CELF2: variants seen among roughly 807,000 people sequenced by gnomAD.
CELF2 encodes CUGBP Elav-like family member 2.
Under a neutral mutation model 62.6 loss-of-function variants are expected in CELF2, and 8 were observed. The observed-to-expected ratio is 0.13, with a 90% CI of 0.07 to 0.23. CELF2 has a LOEUF of 0.23. CELF2 is among the 10% of genes least tolerant of loss of function. CELF2 has a pLI of 1.00. For missense variants in CELF2, 333 were observed against 671.0 expected, an observed-to-expected ratio of 0.50 and a Z score of 5.56; for synonymous variants, 258 against 250.0, an observed-to-expected ratio of 1.03 and a Z score of -0.30.
At chr10:11,286,883 G>C (rs2139574557) in intron 8 of CELF2, among the ~76,000 whole-genome samples, 1 of 152,304 alleles carries the variant, frequency 6.6e-6, no homozygotes, top group South Asian at 2.1e-4. Context: ...AAAAGGTCTG[G>C]ATGTCTCCTG....
intron 1 of CELF2, among the ~76,000 whole-genome samples, chr10:10,897,028 G>A (rs1193777188): frequency 6.6e-6 from 1 of 152,108 alleles, no homozygotes; most frequent in Non-Finnish European, 1.5e-5. Flanking sequence ...TTGGGTAATG[G>A]GTAAAGGCTG....
At chr10:10,977,626 TCCC>T (rs2051503530) in intron 2 of CELF2, among the ~76,000 whole-genome samples, 1 of 152,168 alleles carries the variant, frequency 6.6e-6, no homozygotes, top group East Asian at 1.9e-4. Flanking sequence ...CTGAATGTCA[TCCC>T]CTTCTAAAAT....
the CELF2 span, among the ~76,000 whole-genome samples, chr10:10,477,560 CCT>C: frequency 6.6e-6 from 1 of 152,070 alleles, no homozygotes; most frequent in Non-Finnish European, 1.5e-5. Context: ...GCATCCTCAC[CCT>C]GTCTTAGCTT....
chr10:11,070,795 A>G (rs2069695015), intron 1 of CELF2, among the ~76,000 whole-genome samples: 1 of 152,194 alleles, frequency 6.6e-6, no homozygotes, highest in Non-Finnish European at 1.5e-5. Flanking sequence ...TGTTCGGGGA[A>G]GGGTGCATAG....
At chr10:10,511,169 G>T in the CELF2 span, among the ~76,000 whole-genome samples, 1 of 152,188 alleles carries the variant, frequency 6.6e-6, no homozygotes, top group East Asian at 1.9e-4. Flanking sequence ...CAGCACTTTG[G>T]GAGGCCAAGG....
intron 1 of CELF2, among the ~76,000 whole-genome samples, chr10:10,902,154 C>A (rs1275509018): frequency 6.6e-6 from 1 of 152,160 alleles, no homozygotes; most frequent in Non-Finnish European, 1.5e-5. Flanking sequence ...CACTATCTCA[C>A]CTTTGCTTTA....
intron 1 of CELF2, among the ~76,000 whole-genome samples, chr10:11,133,354 C>T (rs924484023): frequency 2.6e-5 from 4 of 152,134 alleles, no homozygotes; most frequent in African/African-American, 7.2e-5. Flanking sequence ...AAATACTGCT[C>T]TCTCTCCCAT....
At position 11,103,487 on chromosome 10, in the gene CELF2, A is replaced by ATTTTTTT. The variant is rs3054364; in HGVS notation, c.75-61985_75-61979dup. Among the ~76,000 whole-genome samples, 19 of 119,738 alleles carry ATTTTTTT rather than the reference A, an allele frequency of 1.6e-4. 2 individuals are homozygous for ATTTTTTT. The highest frequency in any genetic ancestry group is 5.2e-4 in the African/African-American group (15 of 28,578). 78.6% of individuals were successfully genotyped at this position (119,738 alleles called of 152,430 possible). A position where few individuals can be genotyped will look rare whatever the true frequency, so the allele number is the denominator to read the frequency against. ...CGGATAAACCTGTGTTTGTAGCCTG[A>ATTTTTTT]TTTTTTTTTTTTTTTTTTTTACTGT... On this transcript the variant is annotated intron_variant, in intron 1 of 12. Transcript: ENST00000633077.
chr10:10,726,013 T>C, the CELF2 span, among the ~76,000 whole-genome samples: 1 of 152,152 alleles, frequency 6.6e-6, no homozygotes, highest in East Asian at 1.9e-4. Context: ...GACTCATTCT[T>C]GCTTTTTCCT....
At chr10:10,597,207 A>C in the CELF2 span, among the ~76,000 whole-genome samples, 1 of 152,260 alleles carries the variant, frequency 6.6e-6, no homozygotes, top group Non-Finnish European at 1.5e-5. Flanking sequence ...GGAAGGAGAC[A>C]GATGACTCAA....
chr10:11,005,537 C>G lies in CELF2; in HGVS notation c.53+97C>G, dbSNP rs1265502797. ...GCTCTGAATCAAGTAGCTTCCTTAC[C>G]TTAGAAGAGAAGGGGGGAAAAAGAA... On this transcript the variant is annotated intron_variant, in intron 1 of 12. Transcript: ENST00000416382. The surrounding 1 kb of genome is among the most constrained non-coding windows in gnomAD (Gnocchi z 4.3). The G allele has an allele frequency of 6.4e-7, 1 of 1,567,020 alleles. No homozygotes were observed.
chr10:11,051,005 G>A (rs966382919), intron 1 of CELF2, among the ~76,000 whole-genome samples: 13 of 152,124 alleles, frequency 8.5e-5, no homozygotes, highest in Admixed American at 6.5e-4. Flanking sequence ...AGAAAACCTC[G>A]CCTATTTTCC....
the CELF2 span, among the ~76,000 whole-genome samples, chr10:10,594,688 C>A: frequency 2.0e-5 from 3 of 152,184 alleles, no homozygotes; most frequent in Non-Finnish European, 2.9e-5. Context: ...AGCCATAGAA[C>A]CATGACTAGG....
chr10:11,144,598 A>G (rs2061917394), intron 1 of CELF2, among the ~76,000 whole-genome samples: 1 of 151,840 alleles, frequency 6.6e-6, no homozygotes, highest in African/African-American at 2.4e-5. Context: ...TAAAAAAAAA[A>G]AAAGCACCCC....
chr10:10,745,383 T>C, the CELF2 span, among the ~76,000 whole-genome samples: 3 of 152,208 alleles, frequency 2.0e-5, no homozygotes, highest in African/African-American at 7.2e-5. Flanking sequence ...CTAGTCCATG[T>C]GAATTTGTTC....
chr10:10,660,643 T>C, the CELF2 span, among the ~76,000 whole-genome samples: 1 of 152,244 alleles, frequency 6.6e-6, no homozygotes, highest in South Asian at 2.1e-4. Flanking sequence ...ATTTATTTTT[T>C]TCTTTATATT....
At chr10:10,721,976 A>G in the CELF2 span, among the ~76,000 whole-genome samples, 6 of 152,226 alleles carry the variant, frequency 3.9e-5, no homozygotes, top group Admixed American at 3.9e-4. Context: ...ATAGTTCAGG[A>G]AAGCTTTTTA....
the CELF2 span, among the ~76,000 whole-genome samples, chr10:10,494,469 C>T: frequency 5.9e-5 from 9 of 152,178 alleles, 1 homozygote; most frequent in Admixed American, 2.0e-4. Flanking sequence ...ATACTGTAGC[C>T]AGTTGCTTTC....
chr10:11,331,579 G>GTGTT lies in CELF2; in HGVS notation c.*2528_*2531dup, dbSNP rs1411770305. ...TTTGATAACATGGGTATTTTATTAT[G>GTGTT]TGTTTTGTATAAATCCCTAATATTT... On this transcript the variant is annotated 3_prime_UTR_variant, in exon 13 of 13. Transcript: ENST00000633077. 1.3e-5 allele frequency: 2 copies of GTGTT among 151,260 alleles called. No individual in the cohort carries two copies. Among genetic ancestry groups the GTGTT allele is most frequent in the African/African-American group, 4.9e-5 (2 of 41,022 alleles). The allele number at this position is 151,260 out of a possible 1,614,324, so 9.4% of individuals were successfully genotyped here.
Sources: gnomAD v4.1 joint callset for allele counts (sites outside exome capture counted in the v4.1 genomes callset) on GRCh38, gnomAD v4.1.1 for gene constraint, Gnocchi (gnomAD v3.1) non-coding constraint, MANE v1.5 for transcripts, NCBI Gene and HGNC (gene_info 2026-07-23, HGNC 2026-07-21) for gene names.